The following R3HDM2 variants were observed in gnomAD, a reference collection of about 807,000 sequenced individuals.
The protein encoded by R3HDM2 is R3H domain-containing protein 2.
In R3HDM2, 38 loss-of-function variants were observed where a neutral mutation model predicts 124.5. The observed-to-expected ratio is 0.31, with a 90% CI of 0.24 to 0.40. R3HDM2 has a LOEUF of 0.40. Among genes scored for constraint, R3HDM2 ranks in the 10% least tolerant of loss-of-function variants. The pLI is 1.00. For synonymous variants in R3HDM2, 391 were observed against 448.0 expected, an observed-to-expected ratio of 0.87 and a Z score of 1.61; for missense variants, 869 against 1,236.9, an observed-to-expected ratio of 0.70 and a Z score of 4.46.
At position 57,284,147 on chromosome 12, in the gene R3HDM2, A is replaced by C. The variant is rs2046814480; in HGVS notation, c.939-91T>G. On this transcript the variant is annotated intron_variant, in intron 12 of 23. Coordinates refer to ENST00000402412, the MANE Select transcript of R3HDM2 (RefSeq NM_001394031.1). Reference sequence around the variant, plus strand: ...TTCATTTCTATTCTCTCAATAACAAAGAATGGGTAAGAATTAAAGGGAGGA... The same window carrying C: ...TTCATTTCTATTCTCTCAATAACAACGAATGGGTAAGAATTAAAGGGAGGA... The C allele has an allele frequency of 2.1e-5, 24 of 1,150,066 alleles. No individual in the cohort carries two copies. In the South Asian group the frequency reaches 3.5e-4, roughly 17 times the overall value. The allele number at this position is 1,150,066 out of a possible 1,614,324, so 71.2% of individuals were successfully genotyped here.
chr12:57,311,757 C>T (rs1301399038), intron 2 of R3HDM2, among the ~76,000 whole-genome samples: 1 of 152,154 alleles, frequency 6.6e-6, no homozygotes, highest in Admixed American at 6.5e-5. Context: ...GATTGGGTCC[C>T]TCCCTGGAGG....
Position 57,376,452 on chromosome 12 carries a change from A to T in R3HDM2, c.-36+19297T>A, listed in dbSNP as rs558082459. ...TTGTAGGATATCCCTGAACCATCCT[A>T]TTCTGTCTCAAAAAATAATTTCCCC... On this transcript the variant is annotated intron_variant, in intron 2 of 23. Transcript: ENST00000402412. 3.3e-5 allele frequency among the ~76,000 whole-genome samples: 5 copies of T among 152,344 alleles called. No individual in the cohort carries two copies. In the East Asian group the frequency reaches 9.6e-4, roughly 29 times the overall value.
intron 1 of R3HDM2, among the ~76,000 whole-genome samples, chr12:57,430,342 A>G (rs918013899): frequency 2.6e-5 from 4 of 152,048 alleles, no homozygotes; most frequent in Admixed American, 2.0e-4. Flanking sequence ...AAACACTTCT[A>G]CACCTCTCCG....
At position 57,269,120 on chromosome 12, in the gene R3HDM2, T is replaced by A. The variant is rs761715282; in HGVS notation, c.1715-38A>T. The A allele has an allele frequency of 5.0e-6, 8 of 1,608,140 alleles. No individual in the cohort carries two copies. The African/African-American group carries it at 1.1e-4, about 21-fold the overall frequency. On this transcript the variant is annotated intron_variant, in intron 16 of 23. Coordinates refer to ENST00000402412, the MANE Select transcript of R3HDM2 (RefSeq NM_001394031.1). ...AAGGCAGAAAATACATTAGTATGAA[T>A]GTTTAGGAGGTCACACTCTATCTGT...
chr12:57,408,841 T>C (rs2068756316), intron 1 of R3HDM2, among the ~76,000 whole-genome samples: 1 of 138,292 alleles, frequency 7.2e-6, no homozygotes, highest in African/African-American at 2.7e-5. Context: ...AGTGGATTAC[T>C]GATTAAAAGG....
rs146547206 is a variant in R3HDM2 at position 57,372,369 on chromosome 12, A to T, written c.-36+23380T>A. 1.4e-3 allele frequency among the ~76,000 whole-genome samples: 211 copies of T among 152,346 alleles called. 2 individuals are homozygous for T. Among genetic ancestry groups the T allele is most frequent in the African/African-American group, 4.8e-3 (200 of 41,578 alleles). On this transcript the variant is annotated intron_variant, in intron 2 of 23. Transcript: ENST00000402412. ...CTGCCGCAATACAGAGCACAGCAGC[A>T]GGATTTAAAAATAGACCACAGGCTA...
At chr12:57,260,282 A>AAAAAAAAAAAAAAAAAAAAAAAAAAC (rs2040416180) in intron 19 of R3HDM2, among the ~76,000 whole-genome samples, 2 of 147,700 alleles carry the variant, frequency 1.4e-5, no homozygotes, top group East Asian at 2.0e-4. Flanking sequence ...AAAAAAAAAA[A>AAAAAAAAAAAAAAAAAAAAAAAAAAC]AAAGCCTGCT....
At chr12:57,302,737 T>G (rs1403483041) in intron 4 of R3HDM2, among the ~76,000 whole-genome samples, 4 of 134,574 alleles carry the variant, frequency 3.0e-5, no homozygotes, top group African/African-American at 5.7e-5. Context: ...TATCCAGAAA[T>G]GTTGAGTCAT....
At chr12:57,376,310 T>A (rs2138145191) in intron 2 of R3HDM2, among the ~76,000 whole-genome samples, 1 of 152,346 alleles carries the variant, frequency 6.6e-6, no homozygotes, top group East Asian at 1.9e-4. Context: ...TTCAGTGGAT[T>A]TCTTCTCATC....
intron 2 of R3HDM2, among the ~76,000 whole-genome samples, chr12:57,386,522 C>G (rs913428390): frequency 6.6e-6 from 1 of 152,238 alleles, no homozygotes; most frequent in African/African-American, 2.4e-5. Context: ...GGGCTTGGGA[C>G]CTGCAGCCCG....
At chr12:57,424,235 G>A (rs1013483526) in intron 1 of R3HDM2, among the ~76,000 whole-genome samples, 1 of 150,752 alleles carries the variant, frequency 6.6e-6, no homozygotes, top group Non-Finnish European at 1.5e-5. Context: ...CTCAATCACT[G>A]CAACTTCCGC....
chr12:57,270,392 CTTATTTTGTTTTGTTTTGTTTTGTT>C (rs1439133238), intron 14 of R3HDM2, among the ~76,000 whole-genome samples: 10 of 148,730 alleles, frequency 6.7e-5, no homozygotes, highest in East Asian at 6.0e-4. Flanking sequence ...CCGGCTAATT[CTTATTTTGTTTTGTTTTGTTTTGTT>C]TTGTTTTGTT....
At chr12:57,379,245 A>T (rs1020971322) in intron 2 of R3HDM2, among the ~76,000 whole-genome samples, 1 of 152,184 alleles carries the variant, frequency 6.6e-6, no homozygotes, top group Non-Finnish European at 1.5e-5. Flanking sequence ...TGTTATGGTT[A>T]AGATGGCAAA....
chr12:57,259,664 G>T (rs2040154925), intron 19 of R3HDM2, among the ~76,000 whole-genome samples: 2 of 152,162 alleles, frequency 1.3e-5, no homozygotes, highest in South Asian at 4.1e-4. Flanking sequence ...GCCATATAGG[G>T]GAAGCAGTAG....
chr12:57,325,054 A>C (rs1409027167), intron 2 of R3HDM2, among the ~76,000 whole-genome samples: 1 of 152,226 alleles, frequency 6.6e-6, no homozygotes, highest in African/African-American at 2.4e-5. Flanking sequence ...CTTCAAGAGA[A>C]ACCAAACCTG....
chr12:57,302,604 T>C lies in R3HDM2; in HGVS notation c.207+572A>G, dbSNP rs1292666374. On this transcript the variant is annotated intron_variant, in intron 4 of 23. Coordinates refer to ENST00000402412, the MANE Select transcript of R3HDM2 (RefSeq NM_001394031.1). Reference sequence around the variant, plus strand: ...ATGCTTGAATCCAGAAGACGGAGGTTGCAGCGAGCCAGGATTGCACCATCG... The same window carrying C: ...ATGCTTGAATCCAGAAGACGGAGGTCGCAGCGAGCCAGGATTGCACCATCG... Among the ~76,000 whole-genome samples the C allele has an allele frequency of 2.1e-5, 3 of 145,192 alleles. No homozygotes were observed. In the South Asian group the frequency reaches 6.4e-4, roughly 31 times the overall value.
chr12:57,419,610 C>T (rs987861478), intron 1 of R3HDM2, among the ~76,000 whole-genome samples: 52 of 152,090 alleles, frequency 3.4e-4, no homozygotes, highest in African/African-American at 1.2e-3. Flanking sequence ...CAGCTAATTG[C>T]TTTAACTTCT....
rs2049913555 is a variant in R3HDM2, at chr12:57,296,491, T to G, written c.621A>C (p.Val207=). The change falls in exon 9 of 24, where the codon GTA becomes GTC. Residue 207 remains valine, a synonymous_variant. Transcript: ENST00000402412. This position sits in a 1 kb window ranked among gnomAD's most constrained non-coding sequence, Gnocchi z 4.5. The part of the protein sequence containing the change: ...TSYHRMLLHR[V]AAYFGMDHNV... ...TGTGGTCCATCCCAAAATAGGCAGC[T>G]ACCCGGTGTAATAGCATCCGGTGAT... The G allele has an allele frequency of 6.4e-7, 1 of 1,552,026 alleles. No individual in the cohort carries two copies. The highest frequency in any genetic ancestry group is 1.4e-5 in the African/African-American group (1 of 73,040).
At chr12:57,369,756 C>T (rs1417046462) in intron 2 of R3HDM2, among the ~76,000 whole-genome samples, 6 of 152,116 alleles carry the variant, frequency 3.9e-5, no homozygotes, top group Non-Finnish European at 8.8e-5. Flanking sequence ...TCACGGGAAA[C>T]AAGATCCTTG....
Sources: gnomAD v4.1 joint callset for allele counts (sites outside exome capture counted in the v4.1 genomes callset) on GRCh38, gnomAD v4.1.1 for gene constraint, Gnocchi (gnomAD v3.1) non-coding constraint, MANE v1.5 for transcripts, NCBI Gene and HGNC (gene_info 2026-07-23, HGNC 2026-07-21) for gene names.